The following DLG2 variants were observed in gnomAD, a reference collection of about 807,000 sequenced individuals.
DLG2 encodes disks large homolog 2.
In DLG2, 45 loss-of-function variants were observed where a neutral mutation model predicts 132.5. The ratio of observed to expected loss-of-function variants is 0.34; its 90% CI spans 0.27 to 0.44. The LOEUF (loss-of-function observed/expected upper bound fraction) is 0.44, where lower values mean the gene tolerates loss of function less well. Ranked by LOEUF, DLG2 falls within the 20% of genes least tolerant of loss-of-function variation. DLG2 has a pLI of 1.00. For missense variants in DLG2, 1,045 were observed against 1,196.9 expected, an observed-to-expected ratio of 0.87 and a Z score of 1.87; for synonymous variants, 424 against 419.6, an observed-to-expected ratio of 1.01 and a Z score of -0.13.
intron 6 of DLG2, among the ~76,000 whole-genome samples, chr11:84,742,417 C>T (rs185202723): frequency 2.0e-5 from 3 of 152,270 alleles, no homozygotes; most frequent in African/African-American, 7.2e-5. Context: ...TGTCAAGTCA[C>T]ATATAAGGGC....
intron 6 of DLG2, among the ~76,000 whole-genome samples, chr11:84,683,061 A>G (rs1027412041): frequency 6.6e-6 from 1 of 152,234 alleles, no homozygotes; most frequent in Non-Finnish European, 1.5e-5. Flanking sequence ...AGCAATGTTT[A>G]TAATGACTTA....
At chr11:83,604,423 C>A (rs572331550) in intron 19 of DLG2, among the ~76,000 whole-genome samples, 66 of 152,212 alleles carry the variant, frequency 4.3e-4, no homozygotes, top group African/African-American at 1.6e-3. Flanking sequence ...TATTTTTGGT[C>A]AACTCATCTT....
intron 19 of DLG2, among the ~76,000 whole-genome samples, chr11:83,555,563 C>T (rs2096498012): frequency 6.6e-6 from 1 of 152,204 alleles, no homozygotes; most frequent in South Asian, 2.1e-4. Context: ...CTGTCTGTTT[C>T]TCTCACCAAA....
At chr11:83,547,250 A>T (rs1351381347) in intron 19 of DLG2, among the ~76,000 whole-genome samples, 6 of 152,120 alleles carry the variant, frequency 3.9e-5, no homozygotes, top group Non-Finnish European at 5.9e-5. Flanking sequence ...GTTAACAAGG[A>T]TATGATAGGA....
chr11:85,372,122 C>T (rs1011992846), intron 3 of DLG2, among the ~76,000 whole-genome samples: 12 of 152,106 alleles, frequency 7.9e-5, no homozygotes, highest in African/African-American at 1.2e-4. Flanking sequence ...GCTGTAGCTC[C>T]GAAAGAACTA....
chr11:84,309,778 G>A (rs1030983959), intron 7 of DLG2, among the ~76,000 whole-genome samples: 2 of 152,206 alleles, frequency 1.3e-5, no homozygotes, highest in Non-Finnish European at 2.9e-5. Flanking sequence ...TAGAACGTTT[G>A]TATGAGATTC....
intron 19 of DLG2, among the ~76,000 whole-genome samples, chr11:83,550,553 G>A (rs11233668): frequency 0.064 from 9,716 of 152,170 alleles, 406 homozygotes; most frequent in South Asian, 0.12. Context: ...CTGAACCTGC[G>A]CAGAGCCAGA....
intron 3 of DLG2, among the ~76,000 whole-genome samples, chr11:85,465,420 A>G (rs1393983377): frequency 6.6e-6 from 1 of 151,886 alleles, no homozygotes; most frequent in Non-Finnish European, 1.5e-5. Context: ...TCGTCATTTA[A>G]CATTAGGTAT....
intron 6 of DLG2, among the ~76,000 whole-genome samples, chr11:85,022,894 A>G (rs750100273): frequency 9.9e-5 from 15 of 152,096 alleles, no homozygotes; most frequent in Non-Finnish European, 2.1e-4. Context: ...TGCATCTGAG[A>G]ATATAAAACC....
chr11:85,615,369 T>G (rs2081267559), intron 2 of DLG2, among the ~76,000 whole-genome samples: 2 of 151,764 alleles, frequency 1.3e-5, no homozygotes, highest in African/African-American at 4.8e-5. Flanking sequence ...AATACAAAAA[T>G]TAGCTGGGCA....
chr11:85,501,132 G>A (rs1243936666), intron 3 of DLG2, among the ~76,000 whole-genome samples: 2 of 152,128 alleles, frequency 1.3e-5, no homozygotes, highest in Non-Finnish European at 2.9e-5. Context: ...ACCACCACCT[G>A]ATCTTTGACA....
chr11:83,866,704 T>A (rs2062453923), intron 16 of DLG2, among the ~76,000 whole-genome samples: 1 of 152,192 alleles, frequency 6.6e-6, no homozygotes. Context: ...CACGGTATGA[T>A]AAGTAATCAT....
intron 4 of DLG2, among the ~76,000 whole-genome samples, chr11:85,235,981 G>A (rs972424178): frequency 4.6e-5 from 7 of 151,708 alleles, no homozygotes; most frequent in East Asian, 2.0e-4. Flanking sequence ...AAAACACTGC[G>A]CATATATCGA....
chr11:85,133,039 C>T (rs1229217213), intron 5 of DLG2: 2 of 345,754 alleles, frequency 5.8e-6, no homozygotes, highest in Non-Finnish European at 1.1e-5. Flanking sequence ...TTCCCGGTGG[C>T]TTCCTGGGCT....
intron 3 of DLG2, among the ~76,000 whole-genome samples, chr11:85,434,024 C>T (rs912980063): frequency 6.6e-6 from 1 of 152,134 alleles, no homozygotes; most frequent in African/African-American, 2.4e-5. Context: ...CTAACTCACT[C>T]AAAACCAAAC....
chr11:84,637,311 GA>G (rs1398676522), intron 6 of DLG2, among the ~76,000 whole-genome samples: 5 of 152,134 alleles, frequency 3.3e-5, no homozygotes. Context: ...TCTTTTCTGT[GA>G]ACCCACCACA....
intron 16 of DLG2, among the ~76,000 whole-genome samples, chr11:83,872,278 T>A (rs7939920): frequency 1.3e-5 from 2 of 152,182 alleles, no homozygotes; most frequent in African/African-American, 4.8e-5. Flanking sequence ...AATTGGCGAG[T>A]TGTATACTAT....
At chr11:85,023,237 C>T (rs969141964) in intron 6 of DLG2, among the ~76,000 whole-genome samples, 2 of 152,006 alleles carry the variant, frequency 1.3e-5, no homozygotes, top group African/African-American at 4.8e-5. Flanking sequence ...AACAGTAACA[C>T]TGGAGCTCTC....
At chr11:83,829,482 C>T (rs2153994719) in intron 17 of DLG2, among the ~76,000 whole-genome samples, 1 of 152,306 alleles carries the variant, frequency 6.6e-6, no homozygotes. Context: ...TAGGCATGAG[C>T]CACTGTGCCC....
Sources: gnomAD v4.1 joint callset for allele counts (sites outside exome capture counted in the v4.1 genomes callset) on GRCh38, gnomAD v4.1.1 for gene constraint, MANE v1.5 for transcripts, NCBI Gene and HGNC (gene_info 2026-07-23, HGNC 2026-07-21) for gene names.